Variants in CAMK2D observed in about 807,000 individuals in gnomAD.
CAMK2D encodes calcium/calmodulin dependent protein kinase II delta.
A neutral mutation model predicts 84.0 loss-of-function variants in CAMK2D; 37 were observed. That is an observed-to-expected ratio of 0.44 (90% CI 0.34 to 0.58). CAMK2D has a LOEUF of 0.58. CAMK2D is among the 20% of genes least tolerant of loss of function. The pLI is 0.02. For synonymous variants in CAMK2D, 202 were observed against 212.5 expected (o/e 0.95, Z 0.43); for missense variants, 448 against 652.5 (o/e 0.69, Z 3.41).
intron 2 of CAMK2D, among the ~76,000 whole-genome samples, chr4:113,684,303 C>T (rs769733510): frequency 7.9e-5 from 12 of 152,102 alleles, no homozygotes; most frequent in East Asian, 1.9e-4. Flanking sequence ...TAAATTAACA[C>T]GTCATACAAA....
Position 113,455,805 on chromosome 4 carries a change from T to C in CAMK2D, c.1552A>G (p.Asn518Asp), listed in dbSNP as rs760458481. ...CCTCCTGAGAAGTTTTCTTTCCCAT[T>C]TGGAATACAGGGTGGCCTATTAAGA... is the stretch of plus-strand genomic sequence containing the variant. ...TVPIKPPCIP[N>D]GKENFSGGTS... The change falls in exon 20 of 21, where the codon AAT (asparagine) becomes GAT (aspartate). Residue 518 changes from asparagine (N) to aspartate (D), a missense_variant. By Grantham distance (23) the Asn-to-Asp change is conservative. Around this residue, in one of 7 missense-constraint regions of CAMK2D, gnomAD observed 219 missense variants for 272.1 expected, o/e 0.80. Transcript: ENST00000511664. 11 of 1,610,660 alleles carry C rather than the reference T, an allele frequency of 6.8e-6. No homozygotes were observed. The African/African-American group carries it at 1.2e-4, about 18-fold the overall frequency.
Position 113,547,632 on chromosome 4 carries a change from C to G in CAMK2D, c.414+12G>C. 1.3e-6 allele frequency: 2 copies of G among 1,531,296 alleles called. No individual in the cohort carries two copies. The highest frequency in any genetic ancestry group is 1.8e-6 in the Non-Finnish European group (2 of 1,134,498). The allele number at this position is 1,531,296 out of a possible 1,614,324, so 94.9% of individuals were successfully genotyped here. A position where few individuals can be genotyped will look rare whatever the true frequency, so the allele number is the denominator to read the frequency against. ...TGTGTGGTGGTTTATCTTCTTCAAC[C>G]GCATTACTCACCTTCAGGTCCCGAT... is the stretch of plus-strand genomic sequence containing the variant. On this transcript the variant is annotated intron_variant, in intron 6 of 20. Transcript: ENST00000511664.
intron 3 of CAMK2D, among the ~76,000 whole-genome samples, chr4:113,661,087 G>A (rs142158413): frequency 1.3e-5 from 2 of 152,066 alleles, no homozygotes; most frequent in Non-Finnish European, 2.9e-5. Context: ...GAGCCACCGC[G>A]CCCGGCCTGT....
At chr4:113,459,586 C>T (rs1328706794) in intron 18 of CAMK2D, among the ~76,000 whole-genome samples, 5 of 150,146 alleles carry the variant, frequency 3.3e-5, no homozygotes, top group Admixed American at 3.3e-4. Context: ...TGCTTTATAG[C>T]TTATATTATA....
intron 2 of CAMK2D, among the ~76,000 whole-genome samples, chr4:113,710,093 A>C (rs1193673245): frequency 1.3e-5 from 2 of 151,996 alleles, no homozygotes; most frequent in Non-Finnish European, 2.9e-5. Context: ...CGAGATTCTT[A>C]CATTTCAGGA....
At chr4:113,604,194 G>A (rs929427949) in intron 4 of CAMK2D, among the ~76,000 whole-genome samples, 2 of 151,924 alleles carry the variant, frequency 1.3e-5, no homozygotes, top group African/African-American at 2.4e-5. Flanking sequence ...ATTTTATCTC[G>A]GAACTCATTG....
At chr4:113,685,575 G>C (rs572625844) in intron 2 of CAMK2D, among the ~76,000 whole-genome samples, 2 of 151,974 alleles carry the variant, frequency 1.3e-5, no homozygotes, top group African/African-American at 4.8e-5. Context: ...ACATGAGCCC[G>C]TGAAAGGTAA....
intron 4 of CAMK2D, among the ~76,000 whole-genome samples, chr4:113,565,575 C>T (rs1010371650): frequency 2.7e-5 from 4 of 150,002 alleles, no homozygotes; most frequent in Non-Finnish European, 4.4e-5. Context: ...CGCTCGACCC[C>T]GGGAGGCAGA....
intron 8 of CAMK2D, among the ~76,000 whole-genome samples, chr4:113,524,606 G>A (rs1180869949): frequency 1.3e-5 from 2 of 152,150 alleles, no homozygotes; most frequent in African/African-American, 4.8e-5. Context: ...GATCATAGGT[G>A]TACACATATT....
At chr4:113,754,665 T>C in intron 2 of CAMK2D, 1 of 973,580 alleles carries the variant, frequency 1.0e-6, no homozygotes. Flanking sequence ...TATTATTTCC[T>C]GGAAGTGTGG....
chr4:113,730,367 A>C (rs917249906), intron 2 of CAMK2D, among the ~76,000 whole-genome samples: 4 of 152,194 alleles, frequency 2.6e-5, no homozygotes, highest in Admixed American at 6.5e-5. Flanking sequence ...GAGAGTAGTA[A>C]GGCTAGAAAG....
At chr4:113,548,674 C>A in intron 5 of CAMK2D, 1 of 1,566,246 alleles carries the variant, frequency 6.4e-7, no homozygotes, top group Non-Finnish European at 8.8e-7. Context: ...TCCCTGTGAA[C>A]TATGCCATTT....
At chr4:113,613,656 T>C (rs1220428637) in intron 3 of CAMK2D, among the ~76,000 whole-genome samples, 1 of 152,004 alleles carries the variant, frequency 6.6e-6, no homozygotes, top group Non-Finnish European at 1.5e-5. Context: ...CCCCAGAAAA[T>C]TGTTATTTTT....
intron 2 of CAMK2D, among the ~76,000 whole-genome samples, chr4:113,736,632 A>G (rs1057332430): frequency 6.6e-6 from 1 of 152,208 alleles, no homozygotes; most frequent in Non-Finnish European, 1.5e-5. Flanking sequence ...ACAGCACTCC[A>G]TATCACTGCA....
At chr4:113,575,887 GT>G (rs1239255138) in intron 4 of CAMK2D, among the ~76,000 whole-genome samples, 3 of 151,442 alleles carry the variant, frequency 2.0e-5, no homozygotes, top group African/African-American at 4.9e-5. Context: ...GTTATGTAAA[GT>G]TTTTTTTTGC....
chr4:113,706,198 A>G (rs2099454315), intron 2 of CAMK2D, among the ~76,000 whole-genome samples: 2 of 152,226 alleles, frequency 1.3e-5, no homozygotes, highest in South Asian at 4.1e-4. Flanking sequence ...TTATTAAACC[A>G]GTGATGAACA....
intron 8 of CAMK2D, among the ~76,000 whole-genome samples, chr4:113,519,695 T>C (rs2098332156): frequency 6.6e-6 from 1 of 152,218 alleles, no homozygotes; most frequent in Non-Finnish European, 1.5e-5. Context: ...AGAACAAGTA[T>C]GAGACTCATG....
intron 16 of CAMK2D, 38 bp downstream of exon 16, chr4:113,500,425 C>CTCTGA: frequency 7.5e-7 from 1 of 1,334,970 alleles, no homozygotes; most frequent in South Asian, 1.2e-5. Flanking sequence ...ATATGTGAAG[C>CTCTGA]TCTGAGGTAG....
At chr4:113,693,261 C>T (rs996080092) in intron 2 of CAMK2D, among the ~76,000 whole-genome samples, 1 of 152,060 alleles carries the variant, frequency 6.6e-6, no homozygotes, top group South Asian at 2.1e-4. Context: ...TTTATGAGCC[C>T]CAAAGCTCCC....
Sources: allele counts gnomAD v4.1 joint callset (sites outside exome capture counted in the v4.1 genomes callset), GRCh38; gene constraint gnomAD v4.1.1; regional missense constraint gnomAD v4.1.1; transcripts MANE v1.5; gene names NCBI Gene and HGNC (gene_info 2026-07-23, HGNC 2026-07-21).